The following C9orf153 variants were observed in gnomAD, a reference collection of about 807,000 sequenced individuals.
The protein encoded by C9orf153 is chromosome 9 open reading frame 153, also known as uncharacterized protein C9orf153.
C9orf153 carries 10 observed loss-of-function variants against 9.0 expected under a neutral mutation model. The ratio of observed to expected loss-of-function variants is 1.11; its 90% CI spans 0.69 to 1.89. The LOEUF (loss-of-function observed/expected upper bound fraction) is 1.89. Ranked by LOEUF, C9orf153 falls within the 40% of genes most tolerant of loss-of-function variation. The pLI is 0.00. For missense variants in C9orf153, 108 were observed against 111.0 expected (o/e 0.97, Z 0.12); for synonymous variants, 35 against 37.3 (o/e 0.94, Z 0.23).
intron 1 of C9orf153, among the ~76,000 whole-genome samples, chr9:86,237,502 C>T (rs1824623996): frequency 6.6e-6 from 1 of 152,100 alleles, no homozygotes; most frequent in South Asian, 2.1e-4. Context: ...AGGCTGGTTT[C>T]AAACTCCTAG....
rs75109255 is a variant in C9orf153, at chr9:86,244,126, A to G, written c.-26-14497T>C. On this transcript the variant is annotated intron_variant, in intron 1 of 3. Transcript: ENST00000339137. ...GAAGTATGAAAACAGAATGAAAAGT[A>G]TCTCATTAGGGATTTTCATATCAAT... Among the ~76,000 whole-genome samples, 1,483 of 152,342 alleles carry G rather than the reference A, an allele frequency of 9.7e-3. 27 individuals are homozygous for G. The highest frequency in any genetic ancestry group is 0.033 in the African/African-American group (1,384 of 41,566).
At chr9:86,257,376 C>T (rs988317610) in intron 1 of C9orf153, among the ~76,000 whole-genome samples, 9 of 152,206 alleles carry the variant, frequency 5.9e-5, no homozygotes, top group African/African-American at 2.2e-4. Context: ...GAAGATTCCC[C>T]TGCAGAACAG....
intron 1 of C9orf153, among the ~76,000 whole-genome samples, chr9:86,244,164 A>G (rs1044547896): frequency 6.6e-6 from 1 of 152,216 alleles, no homozygotes; most frequent in Non-Finnish European, 1.5e-5. Context: ...CATAAAGATA[A>G]TATTTTAGAT....
intron 1 of C9orf153, among the ~76,000 whole-genome samples, chr9:86,243,854 G>A (rs1210145289): frequency 2.0e-5 from 3 of 152,166 alleles, no homozygotes; most frequent in Admixed American, 2.0e-4. Context: ...ACAATCAGTT[G>A]GTCTCACAGT....
At chr9:86,249,269 C>T (rs1472968453) in intron 1 of C9orf153, among the ~76,000 whole-genome samples, 2 of 152,160 alleles carry the variant, frequency 1.3e-5, no homozygotes, top group Non-Finnish European at 2.9e-5. Context: ...TGTGGACAGC[C>T]ATTCAGAGAC....
chr9:86,227,051 C>T (rs1415100896), intron 3 of C9orf153, among the ~76,000 whole-genome samples: 1 of 152,232 alleles, frequency 6.6e-6, no homozygotes, highest in Non-Finnish European at 1.5e-5. Flanking sequence ...CAGGCATGAG[C>T]CACCATGCCT....
intron 1 of C9orf153, among the ~76,000 whole-genome samples, chr9:86,244,328 T>C (rs1824818397): frequency 6.6e-6 from 1 of 152,118 alleles, no homozygotes; most frequent in Non-Finnish European, 1.5e-5. Flanking sequence ...CCCACCTCAG[T>C]CTCTTATAGT....
chr9:86,237,112 G>C (rs1824613955), intron 1 of C9orf153, among the ~76,000 whole-genome samples: 1 of 152,060 alleles, frequency 6.6e-6, no homozygotes, highest in South Asian at 2.1e-4. Flanking sequence ...TAATTTGAAA[G>C]TGGTCTTGGG....
intron 3 of C9orf153, among the ~76,000 whole-genome samples, chr9:86,224,477 G>A (rs1289589400): frequency 6.6e-6 from 1 of 152,082 alleles, no homozygotes; most frequent in East Asian, 1.9e-4. Flanking sequence ...AGTAAGGTGA[G>A]GATAGTTAAC....
intron 1 of C9orf153, among the ~76,000 whole-genome samples, chr9:86,235,445 G>A (rs1348855665): frequency 6.6e-6 from 1 of 152,026 alleles, no homozygotes; most frequent in Non-Finnish European, 1.5e-5. Flanking sequence ...TCAACAGAAC[G>A]TTCCAAACCT....
intron 3 of C9orf153, among the ~76,000 whole-genome samples, chr9:86,225,386 CGTTT>C (rs773667877): frequency 7.1e-4 from 103 of 145,772 alleles, no homozygotes; most frequent in Non-Finnish European, 1.3e-3. Context: ...TTCTTTCTTT[CGTTT>C]CTTTCTTTCT....
chr9:86,227,880 T>C lies in C9orf153; in HGVS notation c.217A>G (p.Arg73Gly). The change falls in exon 3 of 4, where the codon AGA becomes GGA. Residue 73 changes from arginine to glycine, a missense_variant. Physicochemically the swap from Arg to Gly is moderately radical, Grantham distance 125. Transcript: ENST00000339137. ...VMSFTRGADV[R>G]GDLQPVIRKT... ...CTGATAACAGGTTGGAGATCTCCTC[T>C]CACATCAGCGCCCCTGGTGAATGAC... The C allele has an allele frequency of 6.2e-7, 1 of 1,612,992 alleles. No individual in the cohort carries two copies. Among genetic ancestry groups the C allele is most frequent in the Non-Finnish European group, 8.5e-7 (1 of 1,179,614 alleles).
chr9:86,247,962 T>A (rs1824905828), intron 1 of C9orf153, among the ~76,000 whole-genome samples: 1 of 152,204 alleles, frequency 6.6e-6, no homozygotes, highest in Admixed American at 6.5e-5. Flanking sequence ...CAGGAGGCTC[T>A]GCACGCATTG....
At chr9:86,258,138 T>G (rs1380773243) in intron 1 of C9orf153, among the ~76,000 whole-genome samples, 1 of 151,972 alleles carries the variant, frequency 6.6e-6, no homozygotes, top group Non-Finnish European at 1.5e-5. Context: ...GGTCAGGAGA[T>G]CAAGACCATC....
chr9:86,230,506 G>A (rs369642729), intron 1 of C9orf153, among the ~76,000 whole-genome samples: 6 of 152,146 alleles, frequency 3.9e-5, no homozygotes, highest in Non-Finnish European at 7.3e-5. Context: ...TCACCGTGTT[G>A]GTCAGGCTGG....
intron 1 of C9orf153, among the ~76,000 whole-genome samples, chr9:86,232,501 C>T (rs973902840): frequency 2.0e-5 from 3 of 152,082 alleles, no homozygotes; most frequent in Non-Finnish European, 4.4e-5. Context: ...TGGCACTTCT[C>T]TTCATCGTTA....
intron 1 of C9orf153, among the ~76,000 whole-genome samples, chr9:86,239,783 A>T (rs1824691512): frequency 6.6e-6 from 1 of 152,250 alleles, no homozygotes; most frequent in Admixed American, 6.5e-5. Flanking sequence ...AATTATACCT[A>T]AATAAAGCTG....
At chr9:86,225,538 A>G (rs1824310068) in intron 3 of C9orf153, among the ~76,000 whole-genome samples, 1 of 151,832 alleles carries the variant, frequency 6.6e-6, no homozygotes, top group African/African-American at 2.4e-5. Context: ...GGCTCACCAC[A>G]ACCTCTGCCT....
In C9orf153 at chr9:86,220,343, T is replaced by A. The variant is rs1250719221; in HGVS notation, c.*1345A>T. On this transcript the variant is annotated 3_prime_UTR_variant, in exon 4 of 4. Transcript: ENST00000339137. ...ATTTGCTTGCCATTATTTCTTGCAT[T>A]CCCTCTGGGTTCTTACTAAAATACA... 1.3e-5 allele frequency: 2 copies of A among 152,204 alleles called. No individual in the cohort carries two copies. Among genetic ancestry groups the A allele is most frequent in the Admixed American group, 1.3e-4 (2 of 15,284 alleles). 9.4% of individuals were successfully genotyped at this position (152,204 alleles called of 1,614,324 possible).
Sources: gnomAD v4.1 joint callset for allele counts (sites outside exome capture counted in the v4.1 genomes callset) on GRCh38, gnomAD v4.1.1 for gene constraint, MANE v1.5 for transcripts, NCBI Gene and HGNC (gene_info 2026-07-23, HGNC 2026-07-21) for gene names.